PDZRN3: variants seen among roughly 807,000 people sequenced by gnomAD.
The protein encoded by PDZRN3 is E3 ubiquitin-protein ligase PDZRN3.
Under a neutral mutation model 85.7 loss-of-function variants are expected in PDZRN3, and 38 were observed. The observed-to-expected ratio is 0.44, with a 90% CI of 0.34 to 0.58. The LOEUF (loss-of-function observed/expected upper bound fraction) is 0.58, where lower values mean the gene tolerates loss of function less well. Among genes scored for constraint, PDZRN3 ranks in the 20% least tolerant of loss-of-function variants. PDZRN3 has a pLI of 0.01. For synonymous variants in PDZRN3, 759 were observed against 638.0 expected (o/e 1.19, Z -2.86); for missense variants, 1,629 against 1,506.4 (o/e 1.08, Z -1.35).
chr3:73,548,600 C>T (rs932514878), intron 3 of PDZRN3, among the ~76,000 whole-genome samples: 4 of 152,148 alleles, frequency 2.6e-5, no homozygotes, highest in African/African-American at 4.8e-5. Context: ...GTAATCTTGG[C>T]CTCTGCCTTT....
intron 3 of PDZRN3, among the ~76,000 whole-genome samples, chr3:73,548,310 T>C (rs543683036): frequency 1.7e-4 from 26 of 152,310 alleles, no homozygotes; most frequent in South Asian, 1.5e-3. Context: ...CTCCAAAACA[T>C]TGAATATTTT....
chr3:73,492,566 C>T (rs1303117253), intron 3 of PDZRN3, among the ~76,000 whole-genome samples: 1 of 152,196 alleles, frequency 6.6e-6, no homozygotes, highest in Non-Finnish European at 1.5e-5. Context: ...TTTAAGAACA[C>T]CCCGCTTCAC....
intron 3 of PDZRN3, among the ~76,000 whole-genome samples, chr3:73,585,967 C>T (rs72891783): frequency 0.055 from 8,406 of 152,202 alleles, 789 homozygotes; most frequent in African/African-American, 0.19. Flanking sequence ...AACACAATTT[C>T]CTAAGTCTTA....
At chr3:73,486,498 A>AG (rs1703663889) in intron 3 of PDZRN3, among the ~76,000 whole-genome samples, 1 of 152,230 alleles carries the variant, frequency 6.6e-6, no homozygotes, top group Non-Finnish European at 1.5e-5. Context: ...GCATTTGTTC[A>AG]ATGGTTACAG....
chr3:73,590,224 G>A lies in PDZRN3; in HGVS notation c.918+12130C>T, dbSNP rs987841738. ...GCAGAGGTTATGGTGAGCTGAGATC[G>A]CACCACTGCACTCCAGCCTGGGTGA... On this transcript the variant is annotated intron_variant, in intron 3 of 9. Coordinates refer to ENST00000263666, the MANE Select transcript of PDZRN3 (RefSeq NM_015009.3). 1.3e-4 allele frequency among the ~76,000 whole-genome samples: 17 copies of A among 129,712 alleles called. No homozygotes were observed. The East Asian group carries it at 3.1e-3, about 24-fold the overall frequency. The allele number at this position is 129,712 out of a possible 152,430, so 85.1% of individuals were successfully genotyped here.
chr3:73,584,589 T>C (rs1702252238), intron 3 of PDZRN3, among the ~76,000 whole-genome samples: 2 of 152,156 alleles, frequency 1.3e-5, no homozygotes, highest in South Asian at 4.1e-4. Context: ...CCTAGTTTTT[T>C]GTTTGTTTTA....
chr3:73,401,136 C>A, intron 4 of PDZRN3, 127 bp from the exon 5 acceptor site: 1 of 696,516 alleles, frequency 1.4e-6, no homozygotes, highest in Non-Finnish European at 2.6e-6. Flanking sequence ...GACTCACTTC[C>A]CTCTGGATGG....
intron 3 of PDZRN3, among the ~76,000 whole-genome samples, chr3:73,480,765 A>G (rs956347685): frequency 1.3e-5 from 2 of 152,182 alleles, no homozygotes; most frequent in Admixed American, 6.5e-5. Flanking sequence ...ACCAGATGAT[A>G]TATCTGTCTA....
intron 3 of PDZRN3, among the ~76,000 whole-genome samples, chr3:73,503,613 A>G (rs1365463809): frequency 1.3e-5 from 2 of 152,242 alleles, no homozygotes; most frequent in Non-Finnish European, 2.9e-5. Context: ...TATAGAGGAC[A>G]TCATCTAATG....
rs142835595 is a variant in PDZRN3, at chr3:73,609,358, G to A, written c.724-674C>T. 2.6e-4 allele frequency among the ~76,000 whole-genome samples: 40 copies of A among 152,272 alleles called. No homozygotes were observed. In the South Asian group the frequency reaches 5.6e-3, roughly 21 times the overall value. On this transcript the variant is annotated intron_variant, in intron 1 of 9. Coordinates refer to ENST00000263666, the MANE Select transcript of PDZRN3 (RefSeq NM_015009.3). ...ACCTTTAAATCAAAAAAGTAGAAGT[G>A]ACCCAGGCAGGTCACAGAGCATAGT...
At chr3:73,533,007 A>G (rs1322448673) in intron 3 of PDZRN3, among the ~76,000 whole-genome samples, 1 of 152,162 alleles carries the variant, frequency 6.6e-6, no homozygotes, top group African/African-American at 2.4e-5. Flanking sequence ...AAAAAGGCAA[A>G]CCTAGAAACT....
At chr3:73,505,967 C>T (rs1433406279) in intron 3 of PDZRN3, among the ~76,000 whole-genome samples, 2 of 152,046 alleles carry the variant, frequency 1.3e-5, no homozygotes, top group African/African-American at 4.8e-5. Context: ...CAAGTATCCC[C>T]CCTAAGACTC....
intron 2 of PDZRN3, among the ~76,000 whole-genome samples, chr3:73,603,606 T>C (rs1702548329): frequency 6.6e-6 from 1 of 152,226 alleles, no homozygotes; most frequent in Non-Finnish European, 1.5e-5. Context: ...TTGCCGTATG[T>C]CATTAGAAGA....
At chr3:73,499,952 A>C (rs1459221442) in intron 3 of PDZRN3, among the ~76,000 whole-genome samples, 1 of 152,078 alleles carries the variant, frequency 6.6e-6, no homozygotes, top group Non-Finnish European at 1.5e-5. Flanking sequence ...ATATTAGCTA[A>C]TATTATTGTT....
At chr3:73,533,884 A>G (rs560419361) in intron 3 of PDZRN3, among the ~76,000 whole-genome samples, 2 of 152,174 alleles carry the variant, frequency 1.3e-5, no homozygotes, top group East Asian at 3.9e-4. Flanking sequence ...CCTATACCAA[A>G]TAGCACATCT....
chr3:73,561,833 C>A (rs1701822521), intron 3 of PDZRN3, among the ~76,000 whole-genome samples: 1 of 152,082 alleles, frequency 6.6e-6, no homozygotes, highest in Non-Finnish European at 1.5e-5. Flanking sequence ...AAAAAAAAAT[C>A]CTCTTTCCTC....
At chr3:73,547,474 T>C (rs1476418429) in intron 3 of PDZRN3, among the ~76,000 whole-genome samples, 1 of 152,212 alleles carries the variant, frequency 6.6e-6, no homozygotes, top group Non-Finnish European at 1.5e-5. Flanking sequence ...CTGGAAAGTC[T>C]TGGAGATACA....
chr3:73,458,005 G>A (rs560073679), intron 3 of PDZRN3, among the ~76,000 whole-genome samples: 31 of 152,326 alleles, frequency 2.0e-4, no homozygotes, highest in African/African-American at 7.5e-4. Flanking sequence ...CAATGGCAGA[G>A]GCAGCAGCAG....
chr3:73,575,004 A>C (rs970639362), intron 3 of PDZRN3, among the ~76,000 whole-genome samples: 10 of 152,224 alleles, frequency 6.6e-5, no homozygotes, highest in African/African-American at 2.4e-4. Context: ...AAGAGAGCAA[A>C]GTGATGTTTT....
Sources: allele counts gnomAD v4.1 joint callset (sites outside exome capture counted in the v4.1 genomes callset), GRCh38; gene constraint gnomAD v4.1.1; transcripts MANE v1.5; gene names NCBI Gene and HGNC (gene_info 2026-07-23, HGNC 2026-07-21).